The following NEBL variants were observed in gnomAD, a reference collection of about 807,000 sequenced individuals.
NEBL encodes LIM and SH3 protein 2.
In NEBL, 122 loss-of-function variants were observed where a neutral mutation model predicts 140.2. That is an observed-to-expected ratio of 0.87 (90% CI 0.75 to 1.01). The LOEUF is 1.01. Ranked by LOEUF, NEBL falls within the 50% of genes least tolerant of loss-of-function variation. The probability of loss-of-function intolerance (pLI) is 0.00; values close to 1 mark genes in which losing one functional copy is unlikely to be tolerated. For synonymous variants in NEBL, 436 were observed against 398.9 expected (o/e 1.09, Z -1.11); for missense variants, 1,365 against 1,231.3 (o/e 1.11, Z -1.62).
At chr10:21,282,535 C>A (rs1402768519) in intron 1 of NEBL, among the ~76,000 whole-genome samples, 1 of 151,996 alleles carries the variant, frequency 6.6e-6, no homozygotes, top group African/African-American at 2.4e-5. Context: ...GAAGAAGAAG[C>A]AAAAAGAAGC....
At chr10:21,127,649 A>G (rs1838903067) in intron 2 of NEBL, among the ~76,000 whole-genome samples, 1 of 152,210 alleles carries the variant, frequency 6.6e-6, no homozygotes, top group African/African-American at 2.4e-5. Flanking sequence ...AGAGGCACAA[A>G]TTAAATGATA....
intron 4 of NEBL, among the ~76,000 whole-genome samples, chr10:20,950,902 C>T (rs915109830): frequency 2.0e-5 from 3 of 152,052 alleles, no homozygotes; most frequent in African/African-American, 7.2e-5. Context: ...TCCTGGTTTG[C>T]TAAACACAGG....
chr10:20,882,101 C>T (rs1465819090), intron 4 of NEBL, among the ~76,000 whole-genome samples: 3 of 151,748 alleles, frequency 2.0e-5, no homozygotes, highest in Non-Finnish European at 4.4e-5. Flanking sequence ...TTGCCTGATC[C>T]CAGGAGGTCG....
chr10:21,269,529 A>G (rs549950328), intron 1 of NEBL, among the ~76,000 whole-genome samples: 71 of 152,378 alleles, frequency 4.7e-4, no homozygotes, highest in African/African-American at 1.6e-3. Flanking sequence ...GTCAAACAAA[A>G]TAATGAACGT....
intron 3 of NEBL, among the ~76,000 whole-genome samples, chr10:20,968,914 G>C (rs1314484088): frequency 6.6e-6 from 1 of 152,170 alleles, no homozygotes; most frequent in African/African-American, 2.4e-5. Flanking sequence ...TATAGTTCTT[G>C]TATAGTTCAT....
At chr10:20,806,029 G>T (rs1837587269) in intron 26 of NEBL, among the ~76,000 whole-genome samples, 1 of 152,086 alleles carries the variant, frequency 6.6e-6, no homozygotes. Flanking sequence ...ATAAATGCAA[G>T]AATATTTGCC....
At chr10:21,029,689 G>GA (rs771459512) in intron 2 of NEBL, 3 of 1,064,840 alleles carry the variant, frequency 2.8e-6, no homozygotes, top group Non-Finnish European at 2.9e-6. Context: ...TTATGATTCA[G>GA]ACCAGTCTGG....
rs113179128 is a variant in NEBL at position 20,964,801 on chromosome 10, G to A, written c.250-3022C>T. Among the ~76,000 whole-genome samples, 687 of 152,262 alleles carry A rather than the reference G, an allele frequency of 4.5e-3. 5 individuals are homozygous for A. The highest frequency in any genetic ancestry group is 0.015 in the African/African-American group (619 of 41,548). ...TCAACACAGAGGCAAGCAAAAGAGT[G>A]ATTGAGAGAGAGTCCTGACATCACC... On this transcript the variant is annotated intron_variant, in intron 3 of 6. Coordinates refer to the NEBL transcript ENST00000417816.
At chr10:21,237,347 G>A (rs1220771237) in intron 3 of NEBL, among the ~76,000 whole-genome samples, 6 of 151,774 alleles carry the variant, frequency 4.0e-5, no homozygotes, top group African/African-American at 1.5e-4. Flanking sequence ...TAAGATTACA[G>A]GCGCAAGCCA....
chr10:21,185,545 T>C (rs1841452297), intron 3 of NEBL, among the ~76,000 whole-genome samples: 1 of 135,230 alleles, frequency 7.4e-6, no homozygotes, highest in Admixed American at 8.0e-5. Context: ...TCGCCCAGGT[T>C]GGAGTGCAGT....
At chr10:20,798,443 G>C (rs565159931) in intron 26 of NEBL, among the ~76,000 whole-genome samples, 1 of 152,154 alleles carries the variant, frequency 6.6e-6, no homozygotes, top group East Asian at 1.9e-4. Flanking sequence ...TGACTCTACT[G>C]TTTTGCACAT....
In NEBL at chr10:20,783,398, C is replaced by T. The variant is rs997283852; in HGVS notation, c.*2349G>A. The T allele has an allele frequency of 1.3e-5, 2 of 152,096 alleles. No homozygotes were observed. The highest frequency in any genetic ancestry group is 4.8e-5 in the African/African-American group (2 of 41,414). 9.4% of individuals were successfully genotyped at this position (152,096 alleles called of 1,614,324 possible). On this transcript the variant is annotated 3_prime_UTR_variant, in exon 28 of 28. Transcript: ENST00000377122. ...CTGATCAGATCTTAATTCCTAAAGG[C>T]TTGAAGCAGAAATATTTTGCTATGC... is the stretch of plus-strand genomic sequence containing the variant.
At chr10:21,119,335 A>T (rs536970154) in intron 2 of NEBL, among the ~76,000 whole-genome samples, 3 of 152,090 alleles carry the variant, frequency 2.0e-5, no homozygotes, top group Non-Finnish European at 4.4e-5. Context: ...CTTCATCTAG[A>T]TTCACCAATC....
rs923345802 is a variant in NEBL, at chr10:20,846,729, G to A, written c.1117-1361C>T. ...AATAGAAATATGTCTATGCATTCACGCATGCATTTACATCAGCTAATTCAC... is the reference window on the plus strand; with the variant it reads ...AATAGAAATATGTCTATGCATTCACACATGCATTTACATCAGCTAATTCAC... On this transcript the variant is annotated intron_variant, in intron 11 of 27. Transcript: ENST00000377122. 9.2e-5 allele frequency among the ~76,000 whole-genome samples: 14 copies of A among 152,100 alleles called. No homozygotes were observed. The East Asian group carries it at 1.7e-3, about 19-fold the overall frequency.
intron 5 of NEBL, among the ~76,000 whole-genome samples, chr10:20,870,436 G>A (rs1844810860): frequency 6.6e-6 from 1 of 151,746 alleles, no homozygotes; most frequent in Non-Finnish European, 1.5e-5. Context: ...CACTTTATGA[G>A]TATGTCTTTG....
chr10:20,888,108 G>C lies in NEBL; in HGVS notation c.358C>G (p.Leu120Val). 6.2e-7 allele frequency: 1 copy of C among 1,606,972 alleles called. No individual in the cohort carries two copies. The highest frequency in any genetic ancestry group is 8.5e-7 in the Non-Finnish European group (1 of 1,173,564). ...DSVFAGEVTQLQSEVAYKQKH... is the reference protein window; with the variant it reads ...DSVFAGEVTQVQSEVAYKQKH... ...TAGAAAAACCCTACCTCACTCTGGA[G>C]CTGTGTAACTTCTCCTGCAAAAACA... Residue 120 changes from leucine (L) to valine (V), a missense_variant, in exon 4 of 28, where the codon CTC becomes GTC. Physicochemically the swap from Leu to Val is conservative, Grantham distance 32 (BLOSUM62 1). Coordinates refer to ENST00000377122, the MANE Select transcript of NEBL (RefSeq NM_006393.3).
chr10:21,076,063 TG>T (rs1268255002), intron 2 of NEBL, among the ~76,000 whole-genome samples: 1 of 152,072 alleles, frequency 6.6e-6, no homozygotes, highest in Non-Finnish European at 1.5e-5. Flanking sequence ...GTGGAGAAAT[TG>T]GAACTTTTAT....
At position 20,880,797 on chromosome 10, in the gene NEBL, A is replaced by G. The variant is rs2131315688; in HGVS notation, c.477T>C (p.Ser159=). 1 of 1,602,974 alleles carries G rather than the reference A, an allele frequency of 6.2e-7. No individual in the cohort carries two copies. Among genetic ancestry groups the G allele is most frequent in the East Asian group, 2.2e-5 (1 of 44,804 alleles). ...KHAMEVNKHQ[S]NISYRKDVQD... Reference sequence around the variant, plus strand: ...CATGAGAAATGCGCTTCCTTACATTACTCTGGTGTTTATTGACCTCCATGG... The same window carrying G: ...CATGAGAAATGCGCTTCCTTACATTGCTCTGGTGTTTATTGACCTCCATGG... The change falls in exon 5 of 28, where the codon AGT becomes AGC. Residue 159 remains serine, a synonymous_variant. Transcript: ENST00000377122.
intron 2 of NEBL, among the ~76,000 whole-genome samples, chr10:21,058,501 T>C (rs1056370227): frequency 6.6e-6 from 1 of 152,112 alleles, no homozygotes; most frequent in African/African-American, 2.4e-5. Context: ...GTTGAAAACC[T>C]ATAAGCCAAA....
Sources: gnomAD v4.1 joint callset for allele counts (sites outside exome capture counted in the v4.1 genomes callset) on GRCh38, gnomAD v4.1.1 for gene constraint, MANE v1.5 for transcripts, NCBI Gene and HGNC (gene_info 2026-07-23, HGNC 2026-07-21) for gene names.